CADPS: variants seen among roughly 807,000 people sequenced by gnomAD.
CADPS encodes calcium dependent secretion activator.
CADPS carries 57 observed loss-of-function variants against 167.3 expected under a neutral mutation model. The ratio of observed to expected loss-of-function variants is 0.34; its 90% CI spans 0.28 to 0.42. The LOEUF (loss-of-function observed/expected upper bound fraction) is 0.42. CADPS is among the 20% of genes least tolerant of loss of function. The pLI, the probability that CADPS is intolerant of heterozygous loss-of-function variation, is 1.00. For missense variants in CADPS, 1,414 were observed against 1,738.1 expected (o/e 0.81, Z 3.32); for synonymous variants, 676 against 635.3 (o/e 1.06, Z -0.96).
At chr3:62,739,021 C>G (rs2152277441) in intron 3 of CADPS, among the ~76,000 whole-genome samples, 1 of 152,236 alleles carries the variant, frequency 6.6e-6, no homozygotes, top group South Asian at 2.1e-4. Context: ...ATAACGACAC[C>G]TTTTGCAATA....
intron 3 of CADPS, among the ~76,000 whole-genome samples, chr3:62,696,863 T>A (rs756727648): frequency 1.3e-5 from 2 of 152,022 alleles, no homozygotes; most frequent in Non-Finnish European, 1.5e-5. Flanking sequence ...CAATAGCATA[T>A]CTAGAGCACC....
chr3:62,839,182 T>C (rs190489250), intron 1 of CADPS, among the ~76,000 whole-genome samples: 149 of 152,138 alleles, frequency 9.8e-4, no homozygotes, highest in Non-Finnish European at 1.7e-3. Flanking sequence ...GGGGAGGAAA[T>C]GGTCAGGGAC....
intron 1 of CADPS, among the ~76,000 whole-genome samples, chr3:62,808,379 G>C (rs1272303991): frequency 1.3e-5 from 2 of 152,120 alleles, no homozygotes. Context: ...CAAAGAGAGA[G>C]AGCCTGAAGC....
chr3:62,599,599 A>T (rs1480043051), intron 6 of CADPS, among the ~76,000 whole-genome samples: 2 of 84,486 alleles, frequency 2.4e-5, no homozygotes, highest in African/African-American at 4.8e-5. Context: ...AATATATTAT[A>T]TATTTATTAT....
chr3:62,611,314 G>C (rs1578783576), intron 6 of CADPS, among the ~76,000 whole-genome samples: 1 of 152,284 alleles, frequency 6.6e-6, no homozygotes, highest in Admixed American at 6.5e-5. Context: ...CAGCAAACCT[G>C]TTGGTCTGAT....
At chr3:62,797,322 G>T (rs1432412598) in intron 1 of CADPS, among the ~76,000 whole-genome samples, 1 of 152,088 alleles carries the variant, frequency 6.6e-6, no homozygotes, top group Non-Finnish European at 1.5e-5. Flanking sequence ...CATGGGTAGA[G>T]ATCAAGTCTT....
intron 9 of CADPS, among the ~76,000 whole-genome samples, chr3:62,569,772 C>A (rs1285379431): frequency 1.3e-5 from 2 of 152,170 alleles, no homozygotes; most frequent in Non-Finnish European, 2.9e-5. Flanking sequence ...TTTGTGAAAT[C>A]TTTCAGAGTA....
chr3:62,624,549 A>G (rs1018805512), intron 6 of CADPS, among the ~76,000 whole-genome samples: 5 of 115,710 alleles, frequency 4.3e-5, no homozygotes, highest in Non-Finnish European at 6.1e-5. Flanking sequence ...GAATCACTGG[A>G]AAAAAAAAAA....
intron 18 of CADPS, among the ~76,000 whole-genome samples, chr3:62,495,883 A>C (rs1159428008): frequency 6.6e-6 from 1 of 152,108 alleles, no homozygotes; most frequent in Non-Finnish European, 1.5e-5. Context: ...TTAGCTGGTG[A>C]GATTTCTTTT....
chr3:62,741,046 G>A (rs555361537), intron 3 of CADPS, among the ~76,000 whole-genome samples: 1 of 152,248 alleles, frequency 6.6e-6, no homozygotes, highest in South Asian at 2.1e-4. Flanking sequence ...ATGAATTGTT[G>A]CAATAACTGA....
chr3:62,516,679 A>T (rs1178015016), intron 14 of CADPS, 36 bp from the exon 15 acceptor site: 3 of 1,473,272 alleles, frequency 2.0e-6, no homozygotes, highest in East Asian at 2.3e-5. Flanking sequence ...TGCCTAAATT[A>T]TTACATTTTA....
intron 3 of CADPS, among the ~76,000 whole-genome samples, chr3:62,672,055 C>T (rs1329730244): frequency 1.3e-5 from 2 of 152,176 alleles, no homozygotes; most frequent in Non-Finnish European, 2.9e-5. Context: ...GCTGGGATTA[C>T]AGGTGTGAGC....
At chr3:62,481,608 A>T (rs964940747) in intron 22 of CADPS, 115 bp downstream of exon 22, 9 of 954,128 alleles carry the variant, frequency 9.4e-6, no homozygotes, top group Non-Finnish European at 1.4e-5. Context: ...TCAGCAAAAT[A>T]TGTCTAATTA....
intron 1 of CADPS, among the ~76,000 whole-genome samples, chr3:62,766,865 C>A (rs2152511105): frequency 6.6e-6 from 1 of 152,288 alleles, no homozygotes; most frequent in African/African-American, 2.4e-5. Context: ...GATTCCACAG[C>A]ACAGTGTTTG....
chr3:62,735,671 G>A (rs2078857181), intron 3 of CADPS, among the ~76,000 whole-genome samples: 1 of 152,140 alleles, frequency 6.6e-6, no homozygotes, highest in Admixed American at 6.5e-5. Context: ...AAGAAATGCG[G>A]TCATGTGACT....
At chr3:62,782,597 AT>A (rs1195292174) in intron 1 of CADPS, among the ~76,000 whole-genome samples, 3 of 152,202 alleles carry the variant, frequency 2.0e-5, no homozygotes, top group African/African-American at 7.2e-5. Context: ...GCCATGAATG[AT>A]GGTCACATTT....
chr3:62,839,939 T>A (rs1303569392), intron 1 of CADPS, among the ~76,000 whole-genome samples: 1 of 152,144 alleles, frequency 6.6e-6, no homozygotes, highest in Non-Finnish European at 1.5e-5. Context: ...GATTTCACCA[T>A]CTGGGAGGGA....
At chr3:62,554,517 G>A (rs1034180957) in intron 10 of CADPS, among the ~76,000 whole-genome samples, 1 of 152,092 alleles carries the variant, frequency 6.6e-6, no homozygotes, top group Non-Finnish European at 1.5e-5. Flanking sequence ...GAGGGAGAGA[G>A]GTAGAGTCTG....
chr3:62,782,932 G>T (rs2091908824), intron 1 of CADPS, among the ~76,000 whole-genome samples: 1 of 151,918 alleles, frequency 6.6e-6, no homozygotes, highest in Admixed American at 6.6e-5. Context: ...GCTAATTTTT[G>T]TATTTTTAGT....
Sources: gnomAD v4.1 joint callset for allele counts (sites outside exome capture counted in the v4.1 genomes callset) on GRCh38, gnomAD v4.1.1 for gene constraint, MANE v1.5 for transcripts, NCBI Gene and HGNC (gene_info 2026-07-23, HGNC 2026-07-21) for gene names.